The following SNAP25 variants were observed in gnomAD, a reference collection of about 807,000 sequenced individuals.
SNAP25 encodes synaptosomal-associated protein 25.
Under a neutral mutation model 28.7 loss-of-function variants are expected in SNAP25, and 3 were observed. The ratio of observed to expected loss-of-function variants is 0.10; its 90% CI spans 0.05 to 0.27. The LOEUF (loss-of-function observed/expected upper bound fraction) is 0.27. Among genes scored for constraint, SNAP25 ranks in the 10% least tolerant of loss-of-function variants. The probability of loss-of-function intolerance (pLI) is 1.00; values close to 1 mark genes in which losing one functional copy is unlikely to be tolerated. For missense variants in SNAP25, 117 were observed against 278.7 expected (o/e 0.42, Z 4.13); for synonymous variants, 61 against 88.1 (o/e 0.69, Z 1.72).
chr20:10,276,578 T>C (rs1271146141), intron 2 of SNAP25, among the ~76,000 whole-genome samples: 5 of 152,350 alleles, frequency 3.3e-5, no homozygotes, highest in Admixed American at 3.3e-4. Context: ...CATGCCTTCA[T>C]TGTTTAATTT....
intron 1 of SNAP25, among the ~76,000 whole-genome samples, chr20:10,238,335 C>A (rs2062960790): frequency 6.6e-6 from 1 of 152,276 alleles, no homozygotes; most frequent in South Asian, 2.1e-4. Context: ...AGCATCAGGC[C>A]ACAGTGTAAG....
chr20:10,276,225 G>T (rs1490238352), intron 2 of SNAP25, among the ~76,000 whole-genome samples: 1 of 152,090 alleles, frequency 6.6e-6, no homozygotes, highest in Non-Finnish European at 1.5e-5. Context: ...TGAGGCAGGA[G>T]GATCGCATAG....
intron 1 of SNAP25, among the ~76,000 whole-genome samples, chr20:10,222,345 G>T (rs1047408373): frequency 6.6e-6 from 1 of 152,240 alleles, no homozygotes; most frequent in Non-Finnish European, 1.5e-5. Flanking sequence ...GGGCGATATC[G>T]CAGTGGACTG....
chr20:10,247,413 C>T lies in SNAP25; in HGVS notation c.-63-28016C>T, dbSNP rs363047. ...TTCTTCCTGTCCTAGCCCACAACTT[C>T]AGTATTCCCTTTTAGACCAACACAG... On this transcript the variant is annotated intron_variant, in intron 1 of 7. Coordinates refer to ENST00000254976, the MANE Select transcript of SNAP25 (RefSeq NM_130811.4). 1.3e-3 allele frequency among the ~76,000 whole-genome samples: 198 copies of T among 152,310 alleles called. 2 individuals carry two copies. Among genetic ancestry groups the T allele is most frequent in the Admixed American group, 0.01 (155 of 15,306 alleles).
intron 1 of SNAP25, among the ~76,000 whole-genome samples, chr20:10,248,046 A>G (rs363014): frequency 0.13 from 19,609 of 152,094 alleles, 1,823 homozygotes; most frequent in East Asian, 0.42. Context: ...GGGTTTGTTC[A>G]CCTAATGGTT....
At chr20:10,303,721 T>C (rs2064293543) in intron 7 of SNAP25, among the ~76,000 whole-genome samples, 1 of 152,172 alleles carries the variant, frequency 6.6e-6, no homozygotes, top group African/African-American at 2.4e-5. Flanking sequence ...ATCGTTGTCT[T>C]CACCTCTGGT....
intron 4 of SNAP25, among the ~76,000 whole-genome samples, chr20:10,291,316 T>A (rs1351810009): frequency 6.6e-6 from 1 of 152,192 alleles, no homozygotes; most frequent in Non-Finnish European, 1.5e-5. Context: ...CCTCTGGTGA[T>A]CTGCCTGCCT....
chr20:10,296,468 C>A, intron 5 of SNAP25: 1 of 160,678 alleles, frequency 6.2e-6, no homozygotes, highest in Admixed American at 5.9e-5. Context: ...TGTGTAAAAA[C>A]TTGGTTGAGG....
At chr20:10,275,064 G>T (rs1352986598) in intron 1 of SNAP25, among the ~76,000 whole-genome samples, 1 of 111,944 alleles carries the variant, frequency 8.9e-6, no homozygotes, top group African/African-American at 3.4e-5. Context: ...CCTTAATAGA[G>T]CTATTTAAAT....
intron 1 of SNAP25, among the ~76,000 whole-genome samples, chr20:10,247,249 C>A (rs2063145258): frequency 6.6e-6 from 1 of 152,162 alleles, no homozygotes; most frequent in African/African-American, 2.4e-5. Flanking sequence ...TACTGATGAC[C>A]AACAACAGAG....
rs71332917 is a variant in SNAP25 at position 10,224,257 on chromosome 20, C to CTTTTTTTTTTTTTTTTTTT, written c.-64+5297_-64+5315dup. Reference sequence around the variant, plus strand: ...AATAAGGCATAGAGAATGTACATGTCTTTTTTTTTTTTTTTTTTTTTTTTT... The same window carrying CTTTTTTTTTTTTTTTTTTT: ...AATAAGGCATAGAGAATGTACATGTCTTTTTTTTTTTTTTTTTTTTTTTTTTTTTTTTTTTTTTTTTTTT... On this transcript the variant is annotated intron_variant, in intron 1 of 7. Coordinates refer to ENST00000254976, the MANE Select transcript of SNAP25 (RefSeq NM_130811.4). Among the ~76,000 whole-genome samples the CTTTTTTTTTTTTTTTTTTT allele has an allele frequency of 2.3e-4, 4 of 17,432 alleles. 1 individual carries two copies. The highest frequency in any genetic ancestry group is 2.8e-4 in the Non-Finnish European group (3 of 10,570). The allele number at this position is 17,432 out of a possible 152,430, so 11.4% of individuals were successfully genotyped here.
chr20:10,274,955 T>G (rs1475664358), intron 1 of SNAP25, among the ~76,000 whole-genome samples: 1 of 152,108 alleles, frequency 6.6e-6, no homozygotes, highest in African/African-American at 2.4e-5. Context: ...CTATGTTCAT[T>G]GTTTTGATTG....
At chr20:10,264,272 C>A (rs949150689) in intron 1 of SNAP25, among the ~76,000 whole-genome samples, 1 of 152,134 alleles carries the variant, frequency 6.6e-6, no homozygotes, top group African/African-American at 2.4e-5. Context: ...GACTTCCCTT[C>A]TCAGAAGAAA....
intron 4 of SNAP25, among the ~76,000 whole-genome samples, chr20:10,286,024 T>C (rs1462124815): frequency 6.6e-6 from 1 of 152,212 alleles, no homozygotes; most frequent in Non-Finnish European, 1.5e-5. Context: ...CACTCATCTT[T>C]GACCAAGACA....
At chr20:10,244,228 T>A (rs2063087298) in intron 1 of SNAP25, among the ~76,000 whole-genome samples, 1 of 152,228 alleles carries the variant, frequency 6.6e-6, no homozygotes, top group South Asian at 2.1e-4. Context: ...CCTTCATTAC[T>A]CTGACCTTGT....
At chr20:10,257,189 A>G (rs1447598086) in intron 1 of SNAP25, among the ~76,000 whole-genome samples, 1 of 152,200 alleles carries the variant, frequency 6.6e-6, no homozygotes, top group Non-Finnish European at 1.5e-5. Flanking sequence ...TTTGAGAACT[A>G]TGGGCATATG....
intron 1 of SNAP25, among the ~76,000 whole-genome samples, chr20:10,233,477 C>G (rs1473104146): frequency 6.6e-6 from 1 of 152,168 alleles, no homozygotes; most frequent in South Asian, 2.1e-4. Flanking sequence ...GGAGAATCTC[C>G]TTCCTCTGCA....
chr20:10,252,209 T>C (rs934540431), intron 1 of SNAP25, among the ~76,000 whole-genome samples: 13 of 152,244 alleles, frequency 8.5e-5, no homozygotes, highest in African/African-American at 3.1e-4. Flanking sequence ...AGTGACTATA[T>C]GTCAGAGATT....
At chr20:10,259,938 T>C (rs938411046) in intron 1 of SNAP25, among the ~76,000 whole-genome samples, 2 of 152,162 alleles carry the variant, frequency 1.3e-5, no homozygotes, top group Non-Finnish European at 2.9e-5. Context: ...GGAAGAGAAT[T>C]TGCACATCAC....
Sources: allele counts gnomAD v4.1 joint callset (sites outside exome capture counted in the v4.1 genomes callset), GRCh38; gene constraint gnomAD v4.1.1; transcripts MANE v1.5; gene names NCBI Gene and HGNC (gene_info 2026-07-23, HGNC 2026-07-21).